The following RBMS3 variants were observed in gnomAD, a reference collection of about 807,000 sequenced individuals.
The protein encoded by RBMS3 is RNA-binding motif, single-stranded-interacting protein 3.
A neutral mutation model predicts 66.8 loss-of-function variants in RBMS3; 27 were observed. The observed-to-expected ratio is 0.40, with a 90% CI of 0.30 to 0.56. The LOEUF is 0.56. Ranked by LOEUF, RBMS3 falls within the 20% of genes least tolerant of loss-of-function variation. The pLI, the probability that RBMS3 is intolerant of heterozygous loss-of-function variation, is 0.40. For missense variants in RBMS3, 513 were observed against 549.5 expected (o/e 0.93, Z 0.66); for synonymous variants, 188 against 183.0 (o/e 1.03, Z -0.22).
chr3:29,988,368 A>G, intron 13 of RBMS3, 145 bp downstream of exon 13: 1 of 648,506 alleles, frequency 1.5e-6, no homozygotes, highest in Non-Finnish European at 2.6e-6. Flanking sequence ...GTATGAAAGT[A>G]TAAACATTTA....
At chr3:29,931,279 G>A (rs1414959459) in intron 10 of RBMS3, among the ~76,000 whole-genome samples, 1 of 152,192 alleles carries the variant, frequency 6.6e-6, no homozygotes, top group African/African-American at 2.4e-5. Context: ...CCTCTTGAAA[G>A]ATGTAACGTG....
intron 4 of RBMS3, among the ~76,000 whole-genome samples, chr3:29,703,532 A>G (rs1474911329): frequency 6.6e-6 from 1 of 152,232 alleles, no homozygotes; most frequent in African/African-American, 2.4e-5. Flanking sequence ...ATGTGCTAAC[A>G]TATCTGCAAT....
intron 6 of RBMS3, among the ~76,000 whole-genome samples, chr3:29,803,046 T>C (rs2057437563): frequency 6.6e-6 from 1 of 152,140 alleles, no homozygotes; most frequent in African/African-American, 2.4e-5. Context: ...TATAGCTCTC[T>C]GATGGGATCC....
intron 1 of RBMS3, among the ~76,000 whole-genome samples, chr3:29,327,981 C>G (rs1178001659): frequency 2.0e-5 from 3 of 152,140 alleles, no homozygotes; most frequent in Non-Finnish European, 2.9e-5. Flanking sequence ...TTTCTTTTAT[C>G]AGTAAATGAT....
chr3:29,945,102 G>T (rs988179050), intron 12 of RBMS3, among the ~76,000 whole-genome samples: 4 of 151,634 alleles, frequency 2.6e-5, no homozygotes, highest in Non-Finnish European at 5.9e-5. Context: ...AATCTGAAGA[G>T]GAGGAATTCT....
intron 4 of RBMS3, among the ~76,000 whole-genome samples, chr3:29,721,709 A>T (rs1306066497): frequency 1.3e-5 from 2 of 152,232 alleles, no homozygotes; most frequent in Admixed American, 6.5e-5. Flanking sequence ...AATAATTCTG[A>T]AAGTGCATAT....
intron 3 of RBMS3, among the ~76,000 whole-genome samples, chr3:29,557,797 A>G (rs910153334): frequency 6.6e-6 from 1 of 152,238 alleles, no homozygotes; most frequent in African/African-American, 2.4e-5. Flanking sequence ...AACAAAAAAC[A>G]TAGTACCCTA....
chr3:29,511,696 CTTTTGCCTTTAT>C (rs1316691564), intron 3 of RBMS3, among the ~76,000 whole-genome samples: 1 of 152,110 alleles, frequency 6.6e-6, no homozygotes, highest in Non-Finnish European at 1.5e-5. Flanking sequence ...AATAACACCC[CTTTTGCCTTTAT>C]TTGGAGAATA....
chr3:29,738,471 A>T (rs12486692), intron 4 of RBMS3, among the ~76,000 whole-genome samples: 12,663 of 152,254 alleles, frequency 0.083, 834 homozygotes, highest in African/African-American at 0.18. Context: ...TTAATTCATT[A>T]TATAAAATAG....
At chr3:29,579,358 T>G (rs888370039) in intron 3 of RBMS3, among the ~76,000 whole-genome samples, 2 of 152,194 alleles carry the variant, frequency 1.3e-5, no homozygotes, top group South Asian at 4.2e-4. Context: ...TGGGAAGAGG[T>G]AGGGGGCTTG....
intron 4 of RBMS3, among the ~76,000 whole-genome samples, chr3:29,678,419 G>A (rs1270156746): frequency 6.6e-6 from 1 of 152,054 alleles, no homozygotes; most frequent in Non-Finnish European, 1.5e-5. Context: ...TTTCTTTGAG[G>A]AGAAAAGTCT....
At chr3:30,001,861 C>T (rs1164706249) in intron 14 of RBMS3, among the ~76,000 whole-genome samples, 3 of 151,156 alleles carry the variant, frequency 2.0e-5, no homozygotes, top group Non-Finnish European at 4.4e-5. Flanking sequence ...TGCCAAAGAT[C>T]CCAGCCTAAA....
chr3:29,653,530 TC>T (rs2050214017), intron 4 of RBMS3, among the ~76,000 whole-genome samples: 1 of 152,114 alleles, frequency 6.6e-6, no homozygotes, highest in Non-Finnish European at 1.5e-5. Context: ...TTGTTTTCTT[TC>T]AAATGAAGGA....
At chr3:29,576,816 C>A (rs934792014) in intron 3 of RBMS3, among the ~76,000 whole-genome samples, 1 of 152,180 alleles carries the variant, frequency 6.6e-6, no homozygotes, top group African/African-American at 2.4e-5. Flanking sequence ...CCTTAAAGCC[C>A]AGTGACTCTT....
At chr3:29,992,087 A>T (rs1490592182) in intron 14 of RBMS3, among the ~76,000 whole-genome samples, 1 of 152,156 alleles carries the variant, frequency 6.6e-6, no homozygotes, top group East Asian at 1.9e-4. Context: ...TTGGCATGCA[A>T]ACTATTCAAC....
At chr3:29,295,378 C>CAG (rs2033188065) in intron 1 of RBMS3, among the ~76,000 whole-genome samples, 1 of 143,612 alleles carries the variant, frequency 7.0e-6, no homozygotes, top group Admixed American at 7.1e-5. Context: ...TATATATATA[C>CAG]ACATATATAT....
At chr3:29,607,318 G>T (rs1199706257) in intron 4 of RBMS3, among the ~76,000 whole-genome samples, 1 of 151,938 alleles carries the variant, frequency 6.6e-6, no homozygotes, top group Non-Finnish European at 1.5e-5. Flanking sequence ...ATTTCTCAGA[G>T]TTTTGGAGGC....
Position 29,352,746 on chromosome 3 carries a change from A to G in RBMS3, c.75+70990A>G, listed in dbSNP as rs1408002208. ...ACCTCTCTTTATCCCTCTTGCACCCATAAACACTTCCCACCCTGTAGTTTC... is the reference window on the plus strand; with the variant it reads ...ACCTCTCTTTATCCCTCTTGCACCCGTAAACACTTCCCACCCTGTAGTTTC... On this transcript the variant is annotated intron_variant, in intron 1 of 14. Coordinates refer to ENST00000383767, the MANE Select transcript of RBMS3 (RefSeq NM_001003793.3). Among the ~76,000 whole-genome samples, 5 of 152,074 alleles carry G rather than the reference A, an allele frequency of 3.3e-5. No individual in the cohort carries two copies. In the South Asian group the frequency reaches 1.0e-3, roughly 31 times the overall value.
chr3:29,380,022 G>A (rs1285282759), intron 1 of RBMS3, among the ~76,000 whole-genome samples: 1 of 152,128 alleles, frequency 6.6e-6, no homozygotes, highest in African/African-American at 2.4e-5. Flanking sequence ...AACCTAGAGG[G>A]AGGACATTTC....
Sources: gnomAD v4.1 joint callset for allele counts (sites outside exome capture counted in the v4.1 genomes callset) on GRCh38, gnomAD v4.1.1 for gene constraint, MANE v1.5 for transcripts, NCBI Gene and HGNC (gene_info 2026-07-23, HGNC 2026-07-21) for gene names.